The following SLC14A2 variants were observed in gnomAD, a reference collection of about 807,000 sequenced individuals.
The protein encoded by SLC14A2 is solute carrier family 14 member 2.
A neutral mutation model predicts 104.6 loss-of-function variants in SLC14A2; 91 were observed. That is an observed-to-expected ratio of 0.87 (90% confidence interval 0.73 to 1.04). The LOEUF is 1.04. Among genes scored for constraint, SLC14A2 ranks in the 50% least tolerant of loss-of-function variants. The pLI, the probability that SLC14A2 is intolerant of heterozygous loss-of-function variation, is 0.00. For missense variants in SLC14A2, 1,189 were observed against 1,156.0 expected, an observed-to-expected ratio of 1.03 and a Z score of -0.41; for synonymous variants, 476 against 466.4, an observed-to-expected ratio of 1.02 and a Z score of -0.27.
At chr18:45,343,306 G>A (rs1415566186) in intron 1 of SLC14A2, among the ~76,000 whole-genome samples, 2 of 152,000 alleles carry the variant, frequency 1.3e-5, no homozygotes, top group African/African-American at 4.8e-5. Context: ...TATTTTATTT[G>A]GGCTGCCTTG....
At chr18:45,426,698 TACACACACACACACACAC>T (rs34456057) in intron 1 of SLC14A2, among the ~76,000 whole-genome samples, 1 of 140,960 alleles carries the variant, frequency 7.1e-6, no homozygotes, top group East Asian at 2.1e-4. Flanking sequence ...TATACATACA[TACACACACACACACACAC>T]ACACACACAC....
chr18:45,522,114 T>C (rs1221184440), intron 2 of SLC14A2, among the ~76,000 whole-genome samples: 1 of 152,208 alleles, frequency 6.6e-6, no homozygotes, highest in Non-Finnish European at 1.5e-5. Context: ...TTGCACATCA[T>C]ATCAGTGGAG....
chr18:45,445,807 C>T (rs955528570), intron 1 of SLC14A2, among the ~76,000 whole-genome samples: 1 of 152,174 alleles, frequency 6.6e-6, no homozygotes, highest in African/African-American at 2.4e-5. Flanking sequence ...AATATTATCC[C>T]ACTAACCTGT....
Position 45,487,529 on chromosome 18 carries a change from G to A in SLC14A2, c.-35+4207G>A, listed in dbSNP as rs113939991. On this transcript the variant is annotated intron_variant, in intron 2 of 20. Coordinates refer to the SLC14A2 transcript ENST00000586448. ...CATGGGGAGGAAAGATGGTGAGTCA[G>A]TAGAGAGTTGGTTGGTTGAGCAAGG... Among the ~76,000 whole-genome samples the A allele has an allele frequency of 1.8e-3, 269 of 152,342 alleles. 2 individuals are homozygous for A. The highest frequency in any genetic ancestry group is 6.1e-3 in the African/African-American group (253 of 41,580).
chr18:45,675,704 TATA>T (rs1191918189), intron 18 of SLC14A2, among the ~76,000 whole-genome samples: 43 of 65,874 alleles, frequency 6.5e-4, no homozygotes, highest in African/African-American at 2.2e-3. Context: ...TATATATATA[TATA>T]TATTTTTTTT....
chr18:45,678,432 A>G (rs1002511070), intron 18 of SLC14A2, among the ~76,000 whole-genome samples: 1 of 152,150 alleles, frequency 6.6e-6, no homozygotes, highest in Non-Finnish European at 1.5e-5. Context: ...GGCCAATTAC[A>G]CTAGTACATT....
rs138809973 is a variant in SLC14A2, at chr18:45,215,709, G to A, written c.-125+2518G>A. On this transcript the variant is annotated intron_variant, in intron 1 of 20. Coordinates refer to the SLC14A2 transcript ENST00000586448. Reference sequence around the variant, plus strand: ...TCACTGGTCTAGATAGATATTTGCCGCAGCTTATTGACAGAAAGCTTTGCA... The same window carrying A: ...TCACTGGTCTAGATAGATATTTGCCACAGCTTATTGACAGAAAGCTTTGCA... 2.7e-3 allele frequency among the ~76,000 whole-genome samples: 411 copies of A among 152,284 alleles called. 2 individuals are homozygous for A. Among genetic ancestry groups the A allele is most frequent in the African/African-American group, 8.8e-3 (366 of 41,564 alleles).
chr18:45,437,005 A>T (rs2086606488), intron 1 of SLC14A2, among the ~76,000 whole-genome samples: 1 of 152,168 alleles, frequency 6.6e-6, no homozygotes, highest in African/African-American at 2.4e-5. Flanking sequence ...GCCACACAGG[A>T]GACCAGAGAC....
At chr18:45,643,272 G>A in intron 9 of SLC14A2, 91 bp downstream of exon 9, 1 of 1,148,742 alleles carries the variant, frequency 8.7e-7, no homozygotes, top group Non-Finnish European at 1.3e-6. Context: ...AAGGAACATT[G>A]AGCGGGTAAT....
chr18:45,480,822 T>G (rs1269813624), intron 1 of SLC14A2, among the ~76,000 whole-genome samples: 1 of 152,220 alleles, frequency 6.6e-6, no homozygotes, highest in Non-Finnish European at 1.5e-5. Context: ...ATTTTTCTAA[T>G]AGTAAATTAT....
chr18:45,530,262 T>A (rs2043662725), intron 2 of SLC14A2, among the ~76,000 whole-genome samples: 1 of 152,196 alleles, frequency 6.6e-6, no homozygotes, highest in Non-Finnish European at 1.5e-5. Context: ...TTTTAAAAAA[T>A]TTGGCTGATG....
intron 1 of SLC14A2, among the ~76,000 whole-genome samples, chr18:45,623,946 A>T (rs1401532332): frequency 6.6e-6 from 1 of 152,220 alleles, no homozygotes; most frequent in Admixed American, 6.5e-5. Context: ...ACCAAGGGGA[A>T]GCCAGACAAA....
At chr18:45,649,215 T>A (rs551376005) in intron 10 of SLC14A2, among the ~76,000 whole-genome samples, 1 of 151,990 alleles carries the variant, frequency 6.6e-6, no homozygotes, top group African/African-American at 2.4e-5. Flanking sequence ...TTGTCTCTTA[T>A]TATATAAAAA....
chr18:45,556,795 G>A, intron 2 of SLC14A2, among the ~76,000 whole-genome samples: 1 of 152,218 alleles, frequency 6.6e-6, no homozygotes, highest in East Asian at 1.9e-4. Flanking sequence ...TGCCAAAAAT[G>A]ATGTAGGCAG....
At chr18:45,643,839 G>C in intron 9 of SLC14A2, 147 bp from the exon 10 acceptor site, 1 of 713,270 alleles carries the variant, frequency 1.4e-6, no homozygotes, top group Non-Finnish European at 2.3e-6. Context: ...ACCAACTACT[G>C]TGACATTGCA....
intron 2 of SLC14A2, among the ~76,000 whole-genome samples, chr18:45,591,333 C>CTTGTTTTGTT (rs137982590): frequency 6.6e-6 from 1 of 151,952 alleles, no homozygotes; most frequent in Non-Finnish European, 1.5e-5. Context: ...AACAATATTT[C>CTTGTTTTGTT]TTGTTTTGTT....
At chr18:45,317,076 T>C (rs2144229724) in intron 1 of SLC14A2, among the ~76,000 whole-genome samples, 1 of 152,354 alleles carries the variant, frequency 6.6e-6, no homozygotes, top group East Asian at 1.9e-4. Context: ...CTGAGCTGTG[T>C]ACCACAGCTT....
chr18:45,406,130 A>T (rs1338562458), intron 1 of SLC14A2, among the ~76,000 whole-genome samples: 2 of 152,134 alleles, frequency 1.3e-5, no homozygotes, highest in African/African-American at 4.8e-5. Flanking sequence ...TCACAGTAGA[A>T]CTTCTTTCAA....
chr18:45,622,679 C>A (rs766685685), intron 1 of SLC14A2, among the ~76,000 whole-genome samples: 5 of 152,112 alleles, frequency 3.3e-5, no homozygotes, highest in African/African-American at 1.2e-4. Context: ...TGTGAAGGAG[C>A]AACCAGAGAG....
Sources: gnomAD v4.1 joint callset for allele counts (sites outside exome capture counted in the v4.1 genomes callset) on GRCh38, gnomAD v4.1.1 for gene constraint, MANE v1.5 for transcripts, NCBI Gene and HGNC (gene_info 2026-07-23, HGNC 2026-07-21) for gene names.